The following MSI2 variants were observed in gnomAD, a reference collection of about 807,000 sequenced individuals.
MSI2 encodes musashi RNA binding protein 2, also known as RNA-binding protein Musashi homolog 2.
Under a neutral mutation model 45.6 loss-of-function variants are expected in MSI2, and 17 were observed. That is an observed-to-expected ratio of 0.37 (90% CI 0.26 to 0.56). MSI2 has a LOEUF of 0.56. MSI2 is among the 20% of genes least tolerant of loss of function. The probability of loss-of-function intolerance (pLI) is 0.77; values close to 1 mark genes in which losing one functional copy is unlikely to be tolerated. For missense variants in MSI2, 293 were observed against 444.2 expected, an observed-to-expected ratio of 0.66 and a Z score of 3.06; for synonymous variants, 156 against 158.2, an observed-to-expected ratio of 0.99 and a Z score of 0.11.
At chr17:57,355,029 C>T (rs187039338) in intron 5 of MSI2, among the ~76,000 whole-genome samples, 174 of 152,306 alleles carry the variant, frequency 1.1e-3, no homozygotes, top group Admixed American at 2.5e-3. Flanking sequence ...AATAACCCAA[C>T]TCAAAGGAAC....
chr17:57,598,194 A>G (rs868149029), intron 8 of MSI2, among the ~76,000 whole-genome samples: 1 of 152,242 alleles, frequency 6.6e-6, no homozygotes, highest in Non-Finnish European at 1.5e-5. Flanking sequence ...CCTCAAGAGA[A>G]GAGGGAGGGC....
intron 6 of MSI2, among the ~76,000 whole-genome samples, chr17:57,477,311 T>C (rs1333020534): frequency 6.6e-6 from 1 of 151,942 alleles, no homozygotes; most frequent in East Asian, 1.9e-4. Flanking sequence ...CGTGACACAA[T>C]TGCCTGTTAA....
At chr17:57,313,703 G>C (rs1176749884) in intron 5 of MSI2, among the ~76,000 whole-genome samples, 1 of 152,212 alleles carries the variant, frequency 6.6e-6, no homozygotes, top group Non-Finnish European at 1.5e-5. Flanking sequence ...TCCGCTTTCA[G>C]TTCGGTCCGG....
intron 8 of MSI2, among the ~76,000 whole-genome samples, chr17:57,599,024 A>T (rs1478778980): frequency 1.3e-5 from 2 of 152,362 alleles, no homozygotes; most frequent in East Asian, 3.9e-4. Flanking sequence ...TCCACTGCCC[A>T]GATGCCTTGT....
chr17:57,342,285 T>A lies in MSI2; in HGVS notation c.313-59094T>A, dbSNP rs1220340247. Among the ~76,000 whole-genome samples, 6 of 152,260 alleles carry A rather than the reference T, an allele frequency of 3.9e-5. No homozygotes were observed. The South Asian group carries it at 1.0e-3, about 26-fold the overall frequency. ...TCCGGTCCCTCCATCAGCAGGAGGA[T>A]GGGTAGTGAGAGGCAGGGTTGGAAC... On this transcript the variant is annotated intron_variant, in intron 5 of 13. Transcript: ENST00000284073.
chr17:57,436,278 G>A (rs1182007834), intron 6 of MSI2, among the ~76,000 whole-genome samples: 1 of 152,160 alleles, frequency 6.6e-6, no homozygotes, highest in Non-Finnish European at 1.5e-5. Flanking sequence ...CTCACATGGG[G>A]GCAGTGAGGG....
At chr17:57,360,199 T>A (rs1347747058) in intron 5 of MSI2, among the ~76,000 whole-genome samples, 3 of 152,204 alleles carry the variant, frequency 2.0e-5, no homozygotes, top group Non-Finnish European at 2.9e-5. Flanking sequence ...GACTGCAGTT[T>A]TAGGACTTAA....
intron 7 of MSI2, among the ~76,000 whole-genome samples, chr17:57,589,831 G>T (rs1275471281): frequency 2.0e-5 from 3 of 152,208 alleles, no homozygotes; most frequent in African/African-American, 7.2e-5. Context: ...ATGAGTCACT[G>T]AACTGTGCAG....
intron 7 of MSI2, among the ~76,000 whole-genome samples, chr17:57,576,601 C>T (rs1302435044): frequency 2.0e-5 from 3 of 151,894 alleles, no homozygotes; most frequent in African/African-American, 7.3e-5. Flanking sequence ...ACTAAAAATA[C>T]AAACATTAGT....
chr17:57,550,261 G>C (rs1380614531), intron 7 of MSI2, among the ~76,000 whole-genome samples: 1 of 152,162 alleles, frequency 6.6e-6, no homozygotes, highest in Non-Finnish European at 1.5e-5. Context: ...TGGTTGTCAA[G>C]GCCTTACGGC....
chr17:57,365,844 C>G (rs1186002434), intron 5 of MSI2, among the ~76,000 whole-genome samples: 2 of 152,160 alleles, frequency 1.3e-5, no homozygotes, highest in Non-Finnish European at 2.9e-5. Context: ...TTACTTTATT[C>G]CTAGATGTAT....
intron 5 of MSI2, among the ~76,000 whole-genome samples, chr17:57,303,989 C>G (rs1387501476): frequency 6.6e-6 from 1 of 152,076 alleles, no homozygotes; most frequent in African/African-American, 2.4e-5. Context: ...GGAAGGGAGT[C>G]TTGGAGGGAA....
chr17:57,353,760 G>A (rs1482593122), intron 5 of MSI2, among the ~76,000 whole-genome samples: 1 of 152,116 alleles, frequency 6.6e-6, no homozygotes, highest in Non-Finnish European at 1.5e-5. Flanking sequence ...TGGTTCTCTT[G>A]TTTCCTCATT....
At chr17:57,484,790 G>A (rs1226361861) in intron 6 of MSI2, among the ~76,000 whole-genome samples, 6 of 152,122 alleles carry the variant, frequency 3.9e-5, no homozygotes, top group African/African-American at 1.2e-4. Flanking sequence ...ACCCATGGTT[G>A]TTTTTGTCAC....
chr17:57,545,389 T>C (rs551176558), intron 7 of MSI2, among the ~76,000 whole-genome samples: 1 of 152,262 alleles, frequency 6.6e-6, no homozygotes, highest in Admixed American at 6.5e-5. Context: ...AGCTACCATA[T>C]TTATAGCTAG....
intron 6 of MSI2, among the ~76,000 whole-genome samples, chr17:57,461,021 A>T (rs965644421): frequency 6.6e-6 from 1 of 152,146 alleles, no homozygotes; most frequent in Non-Finnish European, 1.5e-5. Flanking sequence ...GTGGAAAGTT[A>T]AATTTGATTG....
chr17:57,338,904 C>CTT (rs1207383308), intron 5 of MSI2, among the ~76,000 whole-genome samples: 1 of 152,066 alleles, frequency 6.6e-6, no homozygotes, highest in Non-Finnish European at 1.5e-5. Context: ...AAGGAGAGTC[C>CTT]TTTATTTGTT....
intron 5 of MSI2, among the ~76,000 whole-genome samples, chr17:57,270,772 C>T (rs1011263657): frequency 6.6e-6 from 1 of 152,088 alleles, no homozygotes; most frequent in African/African-American, 2.4e-5. Flanking sequence ...GTTACTGTCC[C>T]CGAAAAATGT....
chr17:57,363,043 G>C (rs1200267710), intron 5 of MSI2, among the ~76,000 whole-genome samples: 2 of 152,150 alleles, frequency 1.3e-5, no homozygotes, highest in Non-Finnish European at 2.9e-5. Flanking sequence ...GCAGGGACTT[G>C]AACAGACATG....
Sources: allele counts gnomAD v4.1 joint callset (sites outside exome capture counted in the v4.1 genomes callset), GRCh38; gene constraint gnomAD v4.1.1; transcripts MANE v1.5; gene names NCBI Gene and HGNC (gene_info 2026-07-23, HGNC 2026-07-21).